Variants in ZBTB46 observed in about 807,000 individuals in gnomAD.
ZBTB46 encodes the protein zinc finger and BTB domain-containing protein 46.
ZBTB46 carries 8 observed loss-of-function variants against 44.1 expected under a neutral mutation model. That is an observed-to-expected ratio of 0.18 (90% CI 0.11 to 0.33). The LOEUF (loss-of-function observed/expected upper bound fraction) is 0.33, where lower values mean the gene tolerates loss of function less well. ZBTB46 is among the 10% of genes least tolerant of loss of function. ZBTB46 has a pLI of 1.00. For synonymous variants in ZBTB46, 409 were observed against 382.3 expected (o/e 1.07, Z -0.81); for missense variants, 651 against 847.7 (o/e 0.77, Z 2.88).
At chr20:63,769,465 C>T (rs1305421670) in intron 3 of ZBTB46, 10 of 983,668 alleles carry the variant, frequency 1.0e-5, no homozygotes, top group Non-Finnish European at 1.1e-5. Flanking sequence ...GAAGCACTGA[C>T]GATCTTCCCG....
intron 3 of ZBTB46, among the ~76,000 whole-genome samples, chr20:63,771,472 C>T (rs2145843833): frequency 6.6e-6 from 1 of 152,300 alleles, no homozygotes; most frequent in East Asian, 1.9e-4. Context: ...TCCGTGAGTT[C>T]AACGCTTCAG....
intron 3 of ZBTB46, among the ~76,000 whole-genome samples, chr20:63,771,859 T>TAA (rs1461255291): frequency 1.3e-5 from 2 of 152,196 alleles, no homozygotes; most frequent in Non-Finnish European, 2.9e-5. Context: ...GCCAGAAAAT[T>TAA]ACGTTTTAAA....
intron 1 of ZBTB46, among the ~76,000 whole-genome samples, chr20:63,792,587 G>A (rs546937798): frequency 1.3e-5 from 2 of 151,640 alleles, no homozygotes; most frequent in East Asian, 1.9e-4. Context: ...TTTGATCTCC[G>A]CTCACTGCAA....
At chr20:63,809,122 T>C (rs929955262) in intron 1 of ZBTB46, among the ~76,000 whole-genome samples, 2 of 151,816 alleles carry the variant, frequency 1.3e-5, no homozygotes, top group Non-Finnish European at 2.9e-5. Context: ...GCCTTCCACG[T>C]TCCCCTTCGC....
At chr20:63,762,622 C>T (rs2092286628) in intron 3 of ZBTB46, among the ~76,000 whole-genome samples, 2 of 151,904 alleles carry the variant, frequency 1.3e-5, no homozygotes, top group Non-Finnish European at 2.9e-5. Context: ...CCACTGCACT[C>T]CAGCCTGGGC....
chr20:63,768,200 C>G (rs1352192280), intron 3 of ZBTB46: 1 of 687,762 alleles, frequency 1.5e-6, no homozygotes, highest in Non-Finnish European at 1.8e-6. Context: ...CACCTGCCAC[C>G]AAAACTATCC....
intron 3 of ZBTB46, among the ~76,000 whole-genome samples, chr20:63,772,517 G>C (rs1217390313): frequency 6.6e-6 from 1 of 151,354 alleles, no homozygotes; most frequent in Non-Finnish European, 1.5e-5. Flanking sequence ...TCAGGAGTTC[G>C]AGACCAGCCT....
Position 63,793,664 on chromosome 20 carries a change from T to C in ZBTB46, c.-33-2874A>G, listed in dbSNP as rs7261871. On this transcript the variant is annotated intron_variant, in intron 1 of 4. Transcript: ENST00000245663. Reference sequence around the variant, plus strand: ...AACAAAAAAAATGCCAGAGATTTTATAGAAGCAGCGGCTACCTCACAACGG... The same window carrying C: ...AACAAAAAAAATGCCAGAGATTTTACAGAAGCAGCGGCTACCTCACAACGG... 6.7e-3 allele frequency among the ~76,000 whole-genome samples: 1,007 copies of C among 150,510 alleles called. 9 individuals are homozygous for C. The highest frequency in any genetic ancestry group is 0.019 in the African/African-American group (757 of 40,696).
chr20:63,809,310 T>TG (rs1249982270), intron 1 of ZBTB46, among the ~76,000 whole-genome samples: 1 of 152,162 alleles, frequency 6.6e-6, no homozygotes, highest in Non-Finnish European at 1.5e-5. Context: ...ATTCCAGGAA[T>TG]GGGGTCCTGG....
intron 1 of ZBTB46, among the ~76,000 whole-genome samples, chr20:63,808,969 T>G (rs1417503564): frequency 6.9e-5 from 7 of 101,344 alleles, no homozygotes; most frequent in Non-Finnish European, 1.3e-4. Flanking sequence ...AGAGCGAGAC[T>G]CCGCTTCAAA....
chr20:63,807,576 C>G (rs1277749539), intron 1 of ZBTB46, among the ~76,000 whole-genome samples: 1 of 152,032 alleles, frequency 6.6e-6, no homozygotes, highest in Non-Finnish European at 1.5e-5. Context: ...AACTCCTGGC[C>G]TCAAGCAATC....
intron 1 of ZBTB46, among the ~76,000 whole-genome samples, chr20:63,811,342 G>A (rs1342065653): frequency 6.6e-6 from 1 of 152,038 alleles, no homozygotes; most frequent in African/African-American, 2.4e-5. Context: ...CTGAAGAAGA[G>A]TCAAGCAGCC....
At chr20:63,827,614 C>CAA (rs555128079) in intron 1 of ZBTB46, among the ~76,000 whole-genome samples, 4 of 80,412 alleles carry the variant, frequency 5.0e-5, no homozygotes, top group Non-Finnish European at 5.5e-5. Context: ...GACTCCGTCT[C>CAA]AAAAAAAAAA....
intron 1 of ZBTB46, among the ~76,000 whole-genome samples, chr20:63,822,421 A>C (rs1162336405): frequency 6.6e-6 from 1 of 152,124 alleles, no homozygotes; most frequent in Admixed American, 6.6e-5. Context: ...CACGCATGCA[A>C]AACCCAGCCC....
At chr20:63,830,835 CCCGCCCCGCG>C (rs1420177336) in intron 1 of ZBTB46, among the ~76,000 whole-genome samples, 2 of 143,178 alleles carry the variant, frequency 1.4e-5, no homozygotes, top group Non-Finnish European at 3.1e-5. Flanking sequence ...CCCCGCGCGC[CCCGCCCCGCG>C]CCGCCGGCCT....
chr20:63,821,321 T>C (rs1321909179), intron 1 of ZBTB46, among the ~76,000 whole-genome samples: 2 of 151,404 alleles, frequency 1.3e-5, no homozygotes, highest in Non-Finnish European at 2.9e-5. Flanking sequence ...ATTATTACTA[T>C]TATTATTTTT....
rs756179856 is a variant in ZBTB46 at position 63,790,502 on chromosome 20, T to C, written c.256A>G (p.Ile86Val). ...DIVTAQGFKA[I>V]IDFMYSAHLA... Reference sequence around the variant, plus strand: ...TGCGCTGAGTACATGAAGTCGATGATGGCCTTGAAGCCCTGGGCCGTGACG... The same window carrying C: ...TGCGCTGAGTACATGAAGTCGATGACGGCCTTGAAGCCCTGGGCCGTGACG... Residue 86 changes from isoleucine to valine, a missense_variant, in exon 2 of 5, where the codon ATC becomes GTC. By Grantham distance (29) the Ile-to-Val change is conservative. Coordinates refer to ENST00000245663, the MANE Select transcript of ZBTB46 (RefSeq NM_001369741.1). The C allele has an allele frequency of 6.2e-7, 1 of 1,613,020 alleles. No individual in the cohort carries two copies. Among genetic ancestry groups the C allele is most frequent in the African/African-American group, 1.3e-5 (1 of 74,940 alleles).
chr20:63,764,562 A>G (rs2092302615), intron 3 of ZBTB46, among the ~76,000 whole-genome samples: 1 of 151,682 alleles, frequency 6.6e-6, no homozygotes, highest in Non-Finnish European at 1.5e-5. Context: ...TGGGAAAGTC[A>G]GCCATCACTG....
At chr20:63,817,791 C>G (rs1320032771) in intron 1 of ZBTB46, among the ~76,000 whole-genome samples, 1 of 151,602 alleles carries the variant, frequency 6.6e-6, no homozygotes, top group Admixed American at 6.6e-5. Context: ...TGTGTGAAGA[C>G]AGAGGCAGAG....
Sources: gnomAD v4.1 joint callset for allele counts (sites outside exome capture counted in the v4.1 genomes callset) on GRCh38, gnomAD v4.1.1 for gene constraint, MANE v1.5 for transcripts, NCBI Gene and HGNC (gene_info 2026-07-23, HGNC 2026-07-21) for gene names.